Variants in HSPBP1 observed in about 807,000 individuals in gnomAD.
The protein encoded by HSPBP1 is HSPA (Hsp70) binding protein 1, also known as hsp70-binding protein 1.
Under a neutral mutation model 41.7 loss-of-function variants are expected in HSPBP1, and 31 were observed. That is an observed-to-expected ratio of 0.74 (90% CI 0.56 to 1.00). The LOEUF is 1.00. HSPBP1 is among the 50% of genes least tolerant of loss of function. HSPBP1 has a pLI of 0.00. For synonymous variants in HSPBP1, 199 were observed against 214.4 expected (o/e 0.93, Z 0.63); for missense variants, 439 against 487.9 (o/e 0.90, Z 0.94).
intron 7 of HSPBP1, among the ~76,000 whole-genome samples, chr19:55,264,779 C>T (rs1245389618): frequency 6.6e-6 from 1 of 152,136 alleles, no homozygotes; most frequent in East Asian, 1.9e-4. Flanking sequence ...TGACACAGCA[C>T]GGGACGAATG....
At chr19:55,264,008 G>A (rs749870023) in intron 7 of HSPBP1, among the ~76,000 whole-genome samples, 38 of 135,570 alleles carry the variant, frequency 2.8e-4, no homozygotes, top group Non-Finnish European at 5.0e-4. Flanking sequence ...TCACTCTGTC[G>A]CCCAGGCTGG....
At position 55,268,043 on chromosome 19, in the gene HSPBP1, A is replaced by G. The variant is rs1466815375; in HGVS notation, c.641-1757T>C. ...GCCACTAAACACCTGATATGTGGCC[A>G]GTGCAACTAAGGAAAAGAGTTGTTC... is the stretch of plus-strand genomic sequence containing the variant. On this transcript the variant is annotated intron_variant, in intron 4 of 7. Coordinates refer to ENST00000433386, the MANE Select transcript of HSPBP1 (RefSeq NM_012267.5). The surrounding 1 kb of genome is among the most constrained non-coding windows in gnomAD (Gnocchi z 4.5). 6.6e-6 allele frequency among the ~76,000 whole-genome samples: 1 copy of G among 152,260 alleles called. No individual in the cohort carries two copies. Among genetic ancestry groups the G allele is most frequent in the Non-Finnish European group, 1.5e-5 (1 of 68,052 alleles).
chr19:55,274,197 CTGCTGCCTGGCT>C (rs543613233), intron 4 of HSPBP1, among the ~76,000 whole-genome samples, 189 bp downstream of exon 4: 1 of 152,366 alleles, frequency 6.6e-6, no homozygotes, highest in East Asian at 1.9e-4. Flanking sequence ...GTGGTCACAT[CTGCTGCCTGGCT>C]AGCAGGGGGT....
chr19:55,263,710 T>C (rs1378768397), intron 7 of HSPBP1, among the ~76,000 whole-genome samples: 3 of 152,110 alleles, frequency 2.0e-5, no homozygotes, highest in Non-Finnish European at 4.4e-5. Flanking sequence ...TTATTTTGCA[T>C]AACATAGAGA....
rs759133962 is a variant in HSPBP1, at chr19:55,277,716, G to A, written c.341C>T (p.Ala114Val). The change falls in exon 3 of 8, where the codon GCG (alanine) becomes GTG (valine). Residue 114 changes from alanine (A) to valine (V), a missense_variant. Coordinates refer to ENST00000433386, the MANE Select transcript of HSPBP1 (RefSeq NM_012267.5). ...MPPTAGEAEQ[A>V]ADQQEREGAL... ...CCCCTCTCGCTCTTGCTGGTCGGCC[G>A]CCTGCTCGGCCTCCCCAGCAGTGGG... The A allele has an allele frequency of 1.2e-5, 19 of 1,604,472 alleles. No individual in the cohort carries two copies. Among genetic ancestry groups the A allele is most frequent in the Non-Finnish European group, 1.4e-5 (17 of 1,176,350 alleles).
At chr19:55,279,770 G>A (rs1288982859) in intron 1 of HSPBP1, 68 bp from the exon 2 acceptor site, 1 of 1,507,112 alleles carries the variant, frequency 6.6e-7, no homozygotes, top group African/African-American at 1.4e-5. Flanking sequence ...TCTGCCCCCA[G>A]CCCACTTAAC....
intron 6 of HSPBP1, 142 bp from the exon 7 acceptor site, chr19:55,265,531 G>A (rs768010285): frequency 3.6e-5 from 26 of 718,914 alleles, no homozygotes; most frequent in African/African-American, 5.2e-5. Flanking sequence ...CCCCATCTGC[G>A]GAATGGACCT....
intron 3 of HSPBP1, 51 bp from the exon 4 acceptor site, chr19:55,274,673 TG>T (rs779536386): frequency 2.0e-6 from 3 of 1,497,110 alleles, no homozygotes; most frequent in Non-Finnish European, 2.7e-6. Flanking sequence ...GACTGAACCG[TG>T]CCCCCCAAAA....
intron 7 of HSPBP1, 28 bp downstream of exon 7, chr19:55,265,250 C>T: frequency 7.3e-7 from 1 of 1,370,130 alleles, no homozygotes; most frequent in Non-Finnish European, 9.9e-7. Context: ...ACCTGGTCCT[C>T]CTTGCACCCC....
intron 4 of HSPBP1, 59 bp from the exon 5 acceptor site, chr19:55,266,345 A>G: frequency 3.3e-6 from 5 of 1,494,246 alleles, no homozygotes; most frequent in Non-Finnish European, 4.5e-6. Context: ...TGTCATCACA[A>G]GCACCATCAC....
At chr19:55,273,146 C>T (rs550810067) in intron 4 of HSPBP1, among the ~76,000 whole-genome samples, 1 of 152,232 alleles carries the variant, frequency 6.6e-6, no homozygotes, top group South Asian at 2.1e-4. Context: ...CGCACCACCA[C>T]GTCCAGCTAA....
chr19:55,272,481 G>T lies in HSPBP1; in HGVS notation c.640+1917C>A, dbSNP rs2087949260. ...GATTCATGTTGCAGGGGCTGCGGGA[G>T]AGGACGGACGCCGAGTGATTGCTTA... On this transcript the variant is annotated intron_variant, in intron 4 of 7. Coordinates refer to ENST00000433386, the MANE Select transcript of HSPBP1 (RefSeq NM_012267.5). The surrounding 1 kb of genome is among the most constrained non-coding windows in gnomAD (Gnocchi z 4.2). Among the ~76,000 whole-genome samples, 1 of 152,200 alleles carries T rather than the reference G, an allele frequency of 6.6e-6. No individual in the cohort carries two copies. The highest frequency in any genetic ancestry group is 2.4e-5 in the African/African-American group (1 of 41,446).
At chr19:55,267,791 G>A (rs2087827154) in intron 4 of HSPBP1, among the ~76,000 whole-genome samples, 1 of 152,208 alleles carries the variant, frequency 6.6e-6, no homozygotes, top group Admixed American at 6.5e-5. Flanking sequence ...AATTATCCTG[G>A]AAGTGTGTGC....
In HSPBP1 at chr19:55,262,768, CCTCTT is replaced by C. The variant is rs760396655; in HGVS notation, c.1006-91_1006-87del. 310 of 1,240,138 alleles carry C rather than the reference CCTCTT, an allele frequency of 2.5e-4. 1 individual carries two copies. The highest frequency in any genetic ancestry group is 3.2e-4 in the Non-Finnish European group (278 of 869,976). The allele number at this position is 1,240,138 out of a possible 1,614,324, so 76.8% of individuals were successfully genotyped here. On this transcript the variant is annotated intron_variant, in intron 7 of 7. Coordinates refer to ENST00000433386, the MANE Select transcript of HSPBP1 (RefSeq NM_012267.5). Reference sequence around the variant, plus strand: ...GCATTCTTGGCACCCAGAGGTGACTCCTCTTCTCTCCTGGCCACCACCCACTCCCC... The same window carrying C: ...GCATTCTTGGCACCCAGAGGTGACTCCTCTCCTGGCCACCACCCACTCCCC...
Position 55,272,838 on chromosome 19 carries a change from C to CA in HSPBP1, c.640+1559dup, listed in dbSNP as rs5828616. On this transcript the variant is annotated intron_variant, in intron 4 of 7. Transcript: ENST00000433386. This position sits in a 1 kb window ranked among gnomAD's most constrained non-coding sequence, Gnocchi z 4.2. ...GGGTGACAAGAGCGAGACTCTGTCTCAAAAAAAAAAAAAAGAAAGAAAAGA... is the reference window on the plus strand; with the variant it reads ...GGGTGACAAGAGCGAGACTCTGTCTCAAAAAAAAAAAAAAAGAAAGAAAAGA... Among the ~76,000 whole-genome samples, 72 of 133,650 alleles carry CA rather than the reference C, an allele frequency of 5.4e-4. No individual in the cohort carries two copies. Among genetic ancestry groups the CA allele is most frequent in the South Asian group, 2.3e-3 (10 of 4,256 alleles). 87.7% of individuals were successfully genotyped at this position (133,650 alleles called of 152,430 possible). A position where few individuals can be genotyped will look rare whatever the true frequency, so the allele number is the denominator to read the frequency against.
chr19:55,267,270 C>A (rs945058707), intron 4 of HSPBP1, among the ~76,000 whole-genome samples: 1 of 152,126 alleles, frequency 6.6e-6, no homozygotes, highest in Non-Finnish European at 1.5e-5. Flanking sequence ...TCAGCCTCAG[C>A]CCCCCAAGTA....
chr19:55,278,177 G>C (rs2088127579), intron 2 of HSPBP1, among the ~76,000 whole-genome samples: 1 of 152,220 alleles, frequency 6.6e-6, no homozygotes, highest in Admixed American at 6.5e-5. Context: ...GAACCTGAGA[G>C]ACAGAGGTTG....
intron 4 of HSPBP1, among the ~76,000 whole-genome samples, chr19:55,271,959 G>A (rs1473158977): frequency 2.0e-5 from 3 of 152,188 alleles, no homozygotes; most frequent in Non-Finnish European, 4.4e-5. Context: ...GTACTTGGGA[G>A]GCTGAGGCAG....
In HSPBP1 at chr19:55,262,685, G is replaced by A. The variant is rs1396337120; in HGVS notation, c.1006-3C>T. ...TTTTCACAGAACTCCAGCTCCTCCT[G>A]GATTGGGCAGGGGCAGGGAGCAAGG... On this transcript the variant is annotated splice_polypyrimidine_tract_variant and splice_region_variant and intron_variant, in intron 7 of 7. Coordinates refer to ENST00000433386, the MANE Select transcript of HSPBP1 (RefSeq NM_012267.5). 1 of 1,611,964 alleles carries A rather than the reference G, an allele frequency of 6.2e-7. No individual in the cohort carries two copies.
Sources: allele counts gnomAD v4.1 joint callset (sites outside exome capture counted in the v4.1 genomes callset), GRCh38; gene constraint gnomAD v4.1.1; non-coding constraint Gnocchi (gnomAD v3.1); transcripts MANE v1.5; gene names NCBI Gene and HGNC (gene_info 2026-07-23, HGNC 2026-07-21).